DKK2: variants seen among roughly 807,000 people sequenced by gnomAD.
DKK2 encodes the protein dickkopf-related protein 2.
A neutral mutation model predicts 28.1 loss-of-function variants in DKK2; 11 were observed. The observed-to-expected ratio is 0.39, with a 90% confidence interval of 0.25 to 0.65. DKK2 has a LOEUF of 0.65. DKK2 is among the 30% of genes least tolerant of loss of function. DKK2 has a pLI of 0.47. For synonymous variants in DKK2, 135 were observed against 126.5 expected, an observed-to-expected ratio of 1.07 and a Z score of -0.45; for missense variants, 326 against 335.5, an observed-to-expected ratio of 0.97 and a Z score of 0.22.
chr4:106,963,392 CAAAAG>C (rs941019166), intron 1 of DKK2, among the ~76,000 whole-genome samples: 4 of 151,588 alleles, frequency 2.6e-5, no homozygotes, highest in African/African-American at 9.7e-5. Context: ...ACACATTTCT[CAAAAG>C]AAGACAGACA....
intron 1 of DKK2, among the ~76,000 whole-genome samples, chr4:106,975,391 A>T (rs1328176465): frequency 6.6e-6 from 1 of 152,142 alleles, no homozygotes; most frequent in Non-Finnish European, 1.5e-5. Context: ...TTTGGTTGCT[A>T]GGCTATTAAA....
rs184398182 is a variant in DKK2 at position 106,999,508 on chromosome 4, G to A, written c.222+35862C>T. Among the ~76,000 whole-genome samples, 12 of 152,064 alleles carry A rather than the reference G, an allele frequency of 7.9e-5. No homozygotes were observed. In the East Asian group the frequency reaches 1.2e-3, roughly 15 times the overall value. The stretch of plus-strand genomic sequence containing the variant: ...ACTACAGGTGCCCACCACCATGCCC[G>A]GCTAATTTTTGTATTTTTAGTAGAA... On this transcript the variant is annotated intron_variant, in intron 1 of 3. Transcript: ENST00000285311.
chr4:106,997,069 A>AT lies in DKK2; in HGVS notation c.222+38300dup, dbSNP rs35340835. Among the ~76,000 whole-genome samples, 95 of 151,340 alleles carry AT rather than the reference A, an allele frequency of 6.3e-4. No individual in the cohort carries two copies. In the East Asian group the frequency reaches 8.4e-3, roughly 13 times the overall value. On this transcript the variant is annotated intron_variant, in intron 1 of 3. Transcript: ENST00000285311. Reference sequence around the variant, plus strand: ...GAGAGTTCTATAACTTAAAATAGCCATTTTTTTTTAAAGAAATCTATGATG... The same window carrying AT: ...GAGAGTTCTATAACTTAAAATAGCCATTTTTTTTTTAAAGAAATCTATGATG...
At chr4:106,991,438 G>C (rs948253959) in intron 1 of DKK2, among the ~76,000 whole-genome samples, 27 of 152,078 alleles carry the variant, frequency 1.8e-4, no homozygotes, top group Admixed American at 1.8e-3. Flanking sequence ...AGCACCATGA[G>C]GTGATTCTTC....
At chr4:106,960,823 A>G (rs923211412) in intron 1 of DKK2, among the ~76,000 whole-genome samples, 1 of 152,186 alleles carries the variant, frequency 6.6e-6, no homozygotes, top group Non-Finnish European at 1.5e-5. Context: ...CAGTCTTAAC[A>G]ATAATGAGAA....
intron 1 of DKK2, among the ~76,000 whole-genome samples, chr4:106,968,991 C>T (rs982360248): frequency 1.3e-5 from 2 of 151,888 alleles, no homozygotes; most frequent in African/African-American, 2.4e-5. Flanking sequence ...TATAGGCATG[C>T]GGAAAGTAAA....
chr4:107,001,736 A>G (rs1272363362), intron 1 of DKK2, among the ~76,000 whole-genome samples: 1 of 152,204 alleles, frequency 6.6e-6, no homozygotes, highest in Non-Finnish European at 1.5e-5. Flanking sequence ...CTCACTCAGA[A>G]GACAATATGT....
In DKK2 at chr4:106,921,882, A is replaced by G. The variant is rs909956723; in HGVS notation, c.*2072T>C. On this transcript the variant is annotated 3_prime_UTR_variant, in exon 4 of 4. Transcript: ENST00000285311. ...TAAATTACAAAGTCAATAGCTGCAA[A>G]TATATTCTGCTACAAAGCTTTCTGT... The G allele has an allele frequency of 1.3e-5, 2 of 152,630 alleles. No individual in the cohort carries two copies. The highest frequency in any genetic ancestry group is 4.8e-5 in the African/African-American group (2 of 41,458). The allele number at this position is 152,630 out of a possible 1,614,324, so 9.5% of individuals were successfully genotyped here. A position where few individuals can be genotyped will look rare whatever the true frequency, so the allele number is the denominator to read the frequency against.
intron 1 of DKK2, among the ~76,000 whole-genome samples, chr4:107,002,823 G>A (rs188090947): frequency 2.1e-4 from 32 of 152,264 alleles, no homozygotes; most frequent in Admixed American, 1.6e-3. Flanking sequence ...CTTACAAACT[G>A]TGTGACCTTG....
chr4:107,008,348 G>A (rs1051760071), intron 1 of DKK2, among the ~76,000 whole-genome samples: 4 of 152,020 alleles, frequency 2.6e-5, no homozygotes, highest in Non-Finnish European at 5.9e-5. Flanking sequence ...CAGTAATACT[G>A]ACCAAAAATA....
intron 1 of DKK2, among the ~76,000 whole-genome samples, chr4:107,020,255 T>G (rs1051828891): frequency 6.6e-6 from 1 of 152,068 alleles, no homozygotes; most frequent in Non-Finnish European, 1.5e-5. Flanking sequence ...CTTTTAACAA[T>G]GAGAATTTTT....
At chr4:107,016,845 G>A (rs1006573327) in intron 1 of DKK2, among the ~76,000 whole-genome samples, 2 of 151,838 alleles carry the variant, frequency 1.3e-5, no homozygotes, top group Admixed American at 1.3e-4. Context: ...GGGAAAAGAT[G>A]GGATTTGGAC....
At chr4:106,964,615 T>C (rs535169166) in intron 1 of DKK2, among the ~76,000 whole-genome samples, 11 of 152,284 alleles carry the variant, frequency 7.2e-5, no homozygotes, top group Admixed American at 2.0e-4. Context: ...AAATATCACA[T>C]GTGCCCTATA....
intron 1 of DKK2, among the ~76,000 whole-genome samples, chr4:106,961,565 G>GCACA (rs34597899): frequency 0.012 from 1,617 of 136,280 alleles, 18 homozygotes; most frequent in African/African-American, 0.029. Context: ...CCAACAGCCT[G>GCACA]CACACACACA....
intron 1 of DKK2, among the ~76,000 whole-genome samples, chr4:106,998,516 T>A (rs1251665390): frequency 1.3e-5 from 2 of 152,192 alleles, no homozygotes; most frequent in Non-Finnish European, 2.9e-5. Context: ...CTCATTTAAT[T>A]CAATAGCTCT....
intron 1 of DKK2, among the ~76,000 whole-genome samples, chr4:106,962,451 G>A (rs1297909920): frequency 6.7e-6 from 1 of 148,534 alleles, no homozygotes; most frequent in South Asian, 2.1e-4. Context: ...CATACATTAA[G>A]GAAAGAACAG....
At chr4:106,977,476 T>C (rs938109341) in intron 1 of DKK2, among the ~76,000 whole-genome samples, 7 of 152,202 alleles carry the variant, frequency 4.6e-5, no homozygotes, top group Admixed American at 1.3e-4. Context: ...CTTCATGCTT[T>C]ATTTCATTAC....
chr4:107,000,488 G>C (rs536835717), intron 1 of DKK2, among the ~76,000 whole-genome samples: 1 of 152,048 alleles, frequency 6.6e-6, no homozygotes, highest in Non-Finnish European at 1.5e-5. Context: ...CTACTCAAAA[G>C]GCAAAAGGGA....
At chr4:106,936,102 C>G (rs1724583369) in intron 1 of DKK2, among the ~76,000 whole-genome samples, 1 of 152,112 alleles carries the variant, frequency 6.6e-6, no homozygotes, top group South Asian at 2.1e-4. Context: ...AGCAATGGAA[C>G]AAAGCTGGAT....
Sources: gnomAD v4.1 joint callset for allele counts (sites outside exome capture counted in the v4.1 genomes callset) on GRCh38, gnomAD v4.1.1 for gene constraint, MANE v1.5 for transcripts, NCBI Gene and HGNC (gene_info 2026-07-23, HGNC 2026-07-21) for gene names.